C4orf51: variants seen among roughly 807,000 people sequenced by gnomAD.
The protein encoded by C4orf51 is chromosome 4 open reading frame 51, also known as uncharacterized protein C4orf51.
Under a neutral mutation model 25.2 loss-of-function variants are expected in C4orf51, and 25 were observed. That is an observed-to-expected ratio of 0.99 (90% CI 0.72 to 1.39). The LOEUF is 1.39. Among genes scored for constraint, C4orf51 ranks in the 40% most tolerant of loss-of-function variants. The pLI is 0.00. For missense variants in C4orf51, 252 were observed against 239.6 expected (o/e 1.05, Z -0.34); for synonymous variants, 100 against 84.5 (o/e 1.18, Z -1.01).
downstream of C4orf51, among the ~76,000 whole-genome samples, chr4:145,773,787 C>T (rs72952688): frequency 0.015 from 2,287 of 152,226 alleles, 53 homozygotes; most frequent in African/African-American, 0.051. Context: ...TCTTTGGCCG[C>T]GAACACACAT....
chr4:145,746,947 TATC>T (rs1477184680), intron 1 of C4orf51, among the ~76,000 whole-genome samples: 1 of 152,074 alleles, frequency 6.6e-6, no homozygotes, highest in East Asian at 1.9e-4. Flanking sequence ...AATTTCTAGG[TATC>T]ATTTTATTTG....
At chr4:145,727,713 TAAAAAAA>T (rs112366551) in intron 3 of C4orf51, among the ~76,000 whole-genome samples, 1 of 138,294 alleles carries the variant, frequency 7.2e-6, no homozygotes, top group Admixed American at 7.4e-5. Context: ...CCATCTCTAC[TAAAAAAA>T]AAAAATACAA....
chr4:145,710,139 A>G (rs1364356260), intron 2 of C4orf51, among the ~76,000 whole-genome samples: 1 of 152,234 alleles, frequency 6.6e-6, no homozygotes, highest in Non-Finnish European at 1.5e-5. Flanking sequence ...GCACCAAAGT[A>G]TGTTACCAGC....
the C4orf51 span, among the ~76,000 whole-genome samples, chr4:145,778,353 CA>C: frequency 6.6e-6 from 1 of 152,234 alleles, no homozygotes; most frequent in African/African-American, 2.4e-5. Context: ...AGGCTGGTCT[CA>C]AACTCCTGAC....
At chr4:145,760,719 GGTTT>G in intron 1 of C4orf51, 1 of 845,942 alleles carries the variant, frequency 1.2e-6, no homozygotes, top group Non-Finnish European at 1.4e-6. Context: ...TAAGTTTTGT[GGTTT>G]TTTTTTTTTT....
At chr4:145,767,863 C>T (rs1735550118) in intron 1 of C4orf51, among the ~76,000 whole-genome samples, 1 of 151,706 alleles carries the variant, frequency 6.6e-6, no homozygotes, top group South Asian at 2.1e-4. Context: ...TGTTCAAAGC[C>T]CAGGCAGAAG....
intron 4 of C4orf51, among the ~76,000 whole-genome samples, chr4:145,729,597 G>A (rs1011950948): frequency 5.9e-5 from 9 of 152,000 alleles, no homozygotes; most frequent in African/African-American, 1.9e-4. Context: ...CACCATGCCC[G>A]GTCCTTTCAT....
Position 145,696,168 on chromosome 4 carries a change from A to G in C4orf51, c.234-391A>G, listed in dbSNP as rs565902994. On this transcript the variant is annotated intron_variant, in intron 1 of 5. Transcript: ENST00000438731. Reference sequence around the variant, plus strand: ...TCCTAGCTACTCAGGAGGCTGAGGCAGGAGAATCACTTGAACCTGGAAAGC... The same window carrying G: ...TCCTAGCTACTCAGGAGGCTGAGGCGGGAGAATCACTTGAACCTGGAAAGC... Among the ~76,000 whole-genome samples the G allele has an allele frequency of 3.3e-5, 5 of 152,312 alleles. No homozygotes were observed. The East Asian group carries it at 9.6e-4, about 29-fold the overall frequency.
At chr4:145,760,503 G>T in intron 1 of C4orf51, 1 of 155,862 alleles carries the variant, frequency 6.4e-6, no homozygotes, top group Non-Finnish European at 1.4e-5. Flanking sequence ...AGTGGGAGTG[G>T]GTGGCTGGGG....
At chr4:145,729,372 G>T (rs1732304217) in intron 4 of C4orf51, 143 bp downstream of exon 4, 2 of 539,052 alleles carry the variant, frequency 3.7e-6, no homozygotes, top group Admixed American at 7.4e-5. Context: ...CGCGATCTCG[G>T]CTCACTGCAA....
At chr4:145,779,569 T>A in the C4orf51 span, 4 of 1,581,420 alleles carry the variant, frequency 2.5e-6, no homozygotes, top group Non-Finnish European at 3.4e-6. Context: ...CATTTTCTGT[T>A]AGTCAACATT....
chr4:145,786,082 A>G, the C4orf51 span, among the ~76,000 whole-genome samples: 2 of 152,184 alleles, frequency 1.3e-5, no homozygotes, highest in Non-Finnish European at 2.9e-5. Flanking sequence ...GTTCCCTTGA[A>G]CCTTTCATTG....
chr4:145,726,865 C>G, intron 2 of C4orf51, 46 bp from the exon 3 acceptor site: 1 of 1,491,928 alleles, frequency 6.7e-7, no homozygotes, highest in Non-Finnish European at 9.3e-7. Flanking sequence ...GAATTTTATT[C>G]TAACTCTGCA....
At chr4:145,721,449 A>G (rs1731735645) in intron 2 of C4orf51, among the ~76,000 whole-genome samples, 1 of 152,032 alleles carries the variant, frequency 6.6e-6, no homozygotes. Flanking sequence ...CATGACAGCT[A>G]CGCTGTGTGA....
intron 1 of C4orf51, among the ~76,000 whole-genome samples, chr4:145,740,001 C>T (rs1733006234): frequency 6.6e-6 from 1 of 152,156 alleles, no homozygotes; most frequent in Non-Finnish European, 1.5e-5. Context: ...CATCTCTGAG[C>T]AAATGAAGGC....
intron 1 of C4orf51, among the ~76,000 whole-genome samples, chr4:145,686,071 T>A (rs1423027292): frequency 6.6e-6 from 1 of 152,208 alleles, no homozygotes; most frequent in Non-Finnish European, 1.5e-5. Flanking sequence ...TACAATGGAA[T>A]ATTATTCGGC....
chr4:145,744,675 C>CA (rs938780709), intron 1 of C4orf51, among the ~76,000 whole-genome samples: 25 of 151,220 alleles, frequency 1.7e-4, no homozygotes, highest in African/African-American at 3.9e-4. Context: ...AGCAATTCTA[C>CA]AAAAAAAAAT....
At chr4:145,740,746 C>A (rs1733055328) in intron 1 of C4orf51, among the ~76,000 whole-genome samples, 1 of 152,196 alleles carries the variant, frequency 6.6e-6, no homozygotes, top group Non-Finnish European at 1.5e-5. Flanking sequence ...TGCTCTGCCT[C>A]TCAAAGTGTG....
chr4:145,685,213 A>G (rs1729073865), intron 1 of C4orf51, among the ~76,000 whole-genome samples: 1 of 152,208 alleles, frequency 6.6e-6, no homozygotes, highest in East Asian at 1.9e-4. Context: ...CTATAAATCA[A>G]TTTGGTAAGA....
Sources: allele counts gnomAD v4.1 joint callset (sites outside exome capture counted in the v4.1 genomes callset), GRCh38; gene constraint gnomAD v4.1.1; transcripts MANE v1.5; gene names NCBI Gene and HGNC (gene_info 2026-07-23, HGNC 2026-07-21).